RYR3: variants seen among roughly 807,000 people sequenced by gnomAD.
RYR3 encodes ryanodine receptor 3, also known as brain ryanodine receptor-calcium release channel.
RYR3 carries 207 observed loss-of-function variants against 584.3 expected under a neutral mutation model. That is an observed-to-expected ratio of 0.35 (90% confidence interval 0.32 to 0.40). The LOEUF (loss-of-function observed/expected upper bound fraction) is 0.40, where lower values mean the gene tolerates loss of function less well. RYR3 is among the 10% of genes least tolerant of loss of function. The pLI, the probability that RYR3 is intolerant of heterozygous loss-of-function variation, is 1.00. For synonymous variants in RYR3, 2,416 were observed against 2,248.5 expected (o/e 1.07, Z -2.11); for missense variants, 5,616 against 6,089.2 (o/e 0.92, Z 2.59).
chr15:33,361,160 G>A (rs1172001733), intron 1 of RYR3, among the ~76,000 whole-genome samples: 2 of 152,170 alleles, frequency 1.3e-5, no homozygotes, highest in African/African-American at 4.8e-5. Context: ...TAGGTTTTCT[G>A]TTGCAGCTTC....
intron 38 of RYR3, among the ~76,000 whole-genome samples, chr15:33,688,200 C>T (rs893786711): frequency 2.4e-5 from 3 of 127,234 alleles, no homozygotes; most frequent in African/African-American, 9.0e-5. Flanking sequence ...TTACAAAGAA[C>T]TCAAACAGAT....
At chr15:33,788,480 G>A in intron 67 of RYR3, 22 bp downstream of exon 67, 2 of 1,608,762 alleles carry the variant, frequency 1.2e-6, no homozygotes, top group Non-Finnish European at 8.5e-7. Context: ...AGCACTAGGA[G>A]CCTGTCTGCC....
chr15:33,775,776 G>A (rs1478845066), intron 64 of RYR3, among the ~76,000 whole-genome samples: 7 of 152,074 alleles, frequency 4.6e-5, no homozygotes, highest in Non-Finnish European at 4.4e-5. Context: ...GGCCCCACAC[G>A]CATGCTGCCC....
intron 2 of RYR3, among the ~76,000 whole-genome samples, chr15:33,475,430 G>A (rs1035325463): frequency 6.6e-6 from 1 of 152,180 alleles, no homozygotes; most frequent in East Asian, 1.9e-4. Context: ...TCGGGCATTA[G>A]ATTCTCATAA....
In RYR3 at chr15:33,699,563, A is replaced by T. The variant is rs1392426266; in HGVS notation, c.6250-141A>T. 5 of 655,456 alleles carry T rather than the reference A, an allele frequency of 7.6e-6. No homozygotes were observed. The East Asian group carries it at 1.4e-4, about 19-fold the overall frequency. The allele number at this position is 655,456 out of a possible 1,614,324, so 40.6% of individuals were successfully genotyped here. A position where few individuals can be genotyped will look rare whatever the true frequency, so the allele number is the denominator to read the frequency against. Reference sequence around the variant, plus strand: ...TCAGGAACTATAACTCCTATGAATAAGTCTTGAGAAAAAAAATGGAAGGAG... The same window carrying T: ...TCAGGAACTATAACTCCTATGAATATGTCTTGAGAAAAAAAATGGAAGGAG... On this transcript the variant is annotated intron_variant, in intron 40 of 103. Transcript: ENST00000634891.
chr15:33,710,314 G>A (rs984341185), intron 43 of RYR3, among the ~76,000 whole-genome samples: 1 of 149,978 alleles, frequency 6.7e-6, no homozygotes, highest in Non-Finnish European at 1.5e-5. Context: ...GAGAGAGAGA[G>A]TAGAGAGGCT....
At chr15:33,547,759 A>G (rs2056356601) in intron 8 of RYR3, among the ~76,000 whole-genome samples, 1 of 152,210 alleles carries the variant, frequency 6.6e-6, no homozygotes, top group African/African-American at 2.4e-5. Flanking sequence ...TAATAAAACT[A>G]CATCAGGGAG....
intron 3 of RYR3, among the ~76,000 whole-genome samples, chr15:33,508,976 T>C (rs2052725197): frequency 6.6e-6 from 1 of 152,166 alleles, no homozygotes; most frequent in Admixed American, 6.5e-5. Context: ...AAACGGCCAG[T>C]GAAGCGTAAA....
At chr15:33,763,092 C>T (rs1018508787) in intron 60 of RYR3, among the ~76,000 whole-genome samples, 2 of 152,164 alleles carry the variant, frequency 1.3e-5, no homozygotes, top group African/African-American at 4.8e-5. Context: ...TGGACCCCTT[C>T]CTTACACCTT....
chr15:33,853,078 A>G lies in RYR3; in HGVS notation c.13662A>G (p.Val4554=), dbSNP rs1305783365. ...SFPNNYWDKF[V]KRKVINKYGD... ...CTAATAACTACTGGGACAAGTTTGTAAAGAGAAAGGTATGCCTTGTTAGTG... is the reference window on the plus strand; with the variant it reads ...CTAATAACTACTGGGACAAGTTTGTGAAGAGAAAGGTATGCCTTGTTAGTG... The change falls in exon 95 of 104, where the codon GTA becomes GTG. Residue 4554 remains valine, a synonymous_variant. Transcript: ENST00000634891. 1 of 1,601,176 alleles carries G rather than the reference A, an allele frequency of 6.2e-7. No individual in the cohort carries two copies.
chr15:33,508,254 T>G (rs1229238206), intron 3 of RYR3, among the ~76,000 whole-genome samples: 2 of 152,184 alleles, frequency 1.3e-5, no homozygotes, highest in Non-Finnish European at 2.9e-5. Flanking sequence ...AATTGTATAG[T>G]TGCCACATGA....
At chr15:33,331,099 A>G (rs924872801) in intron 1 of RYR3, among the ~76,000 whole-genome samples, 1 of 152,088 alleles carries the variant, frequency 6.6e-6, no homozygotes, top group African/African-American at 2.4e-5. Context: ...GAGTTGAGAG[A>G]ATATATTTTA....
chr15:33,533,965 G>A (rs1440501632), intron 5 of RYR3, among the ~76,000 whole-genome samples: 1 of 152,090 alleles, frequency 6.6e-6, no homozygotes, highest in Non-Finnish European at 1.5e-5. Context: ...AGTATAAACT[G>A]TTTTTGCTTG....
At chr15:33,575,435 A>C (rs2058248432) in intron 12 of RYR3, among the ~76,000 whole-genome samples, 1 of 152,140 alleles carries the variant, frequency 6.6e-6, no homozygotes, top group Non-Finnish European at 1.5e-5. Flanking sequence ...AGACCACAGC[A>C]AAATCAAATT....
chr15:33,568,805 A>G (rs2057859537), intron 12 of RYR3, among the ~76,000 whole-genome samples: 1 of 152,176 alleles, frequency 6.6e-6, no homozygotes, highest in African/African-American at 2.4e-5. Flanking sequence ...GAACATTTCC[A>G]TCACTCCAAA....
chr15:33,662,314 A>G lies in RYR3; in HGVS notation c.4784A>G (p.Asn1595Ser), dbSNP rs1437717920. The G allele has an allele frequency of 5.0e-6, 8 of 1,611,984 alleles. No homozygotes were observed. Among genetic ancestry groups the G allele is most frequent in the Middle Eastern group, 3.3e-4 (2 of 6,060 alleles). ...TCCCAGCTCTTCTATGCCATTGACA[A>G]CAAGTACCTCCCCGGCCTCCTTCGA... ...DLSQLFYAIDNKYLPGLLRSG... is the reference protein window; with the variant it reads ...DLSQLFYAIDSKYLPGLLRSG... The change falls in exon 35 of 104, where the codon AAC becomes AGC. Residue 1595 changes from asparagine to serine, a missense_variant. Physicochemically the swap from Asn to Ser is conservative, Grantham distance 46. This residue lies in a region of RYR3 where 753 missense variants were observed against 741.0 expected (regional missense o/e 1.02). Coordinates refer to ENST00000634891, the MANE Select transcript of RYR3 (RefSeq NM_001036.6).
chr15:33,659,681 C>T, intron 32 of RYR3, 39 bp from the exon 33 acceptor site: 1 of 1,379,702 alleles, frequency 7.2e-7, no homozygotes, highest in African/African-American at 1.4e-5. Context: ...GTTGTTTGTC[C>T]AGCTCTGGGC....
chr15:33,824,032 C>T (rs1418646619), intron 81 of RYR3, among the ~76,000 whole-genome samples: 2 of 152,074 alleles, frequency 1.3e-5, no homozygotes, highest in African/African-American at 4.8e-5. Context: ...TCCCCACCAA[C>T]AGTCTATTCA....
At chr15:33,864,058 G>C in intron 102 of RYR3, 80 bp from the exon 103 acceptor site, 1 of 1,067,190 alleles carries the variant, frequency 9.4e-7, no homozygotes, top group Non-Finnish European at 1.4e-6. Context: ...TAGCCTTTCT[G>C]AGCCCTGATC....
Sources: gnomAD v4.1 joint callset for allele counts (sites outside exome capture counted in the v4.1 genomes callset) on GRCh38, gnomAD v4.1.1 for gene constraint, gnomAD v4.1.1 regional missense constraint, MANE v1.5 for transcripts, NCBI Gene and HGNC (gene_info 2026-07-23, HGNC 2026-07-21) for gene names.